Variants in EPRS1 observed in about 807,000 individuals in gnomAD.
The protein encoded by EPRS1 is glutamyl-prolyl-tRNA synthetase 1.
Under a neutral mutation model 188.3 loss-of-function variants are expected in EPRS1, and 107 were observed. That is an observed-to-expected ratio of 0.57 (90% CI 0.49 to 0.67). The LOEUF is 0.67. Among genes scored for constraint, EPRS1 ranks in the 30% least tolerant of loss-of-function variants. The pLI, the probability that EPRS1 is intolerant of heterozygous loss-of-function variation, is 0.00. For missense variants in EPRS1, 1,577 were observed against 1,802.2 expected, an observed-to-expected ratio of 0.88 and a Z score of 2.26; for synonymous variants, 596 against 593.1, an observed-to-expected ratio of 1.00 and a Z score of -0.07.
intron 1 of EPRS1, among the ~76,000 whole-genome samples, chr1:220,046,040 G>A (rs1662394745): frequency 6.6e-6 from 1 of 152,206 alleles, no homozygotes; most frequent in South Asian, 2.1e-4. Context: ...GGAGAGGTGA[G>A]TTGACTGGGA....
intron 28 of EPRS1, among the ~76,000 whole-genome samples, chr1:219,978,152 G>C (rs1660813234): frequency 6.6e-6 from 1 of 152,116 alleles, no homozygotes; most frequent in Non-Finnish European, 1.5e-5. Flanking sequence ...AATCTCAGAT[G>C]TTTCACTATT....
At chr1:220,028,774 G>A (rs1662032328) in intron 6 of EPRS1, among the ~76,000 whole-genome samples, 1 of 148,910 alleles carries the variant, frequency 6.7e-6, no homozygotes, top group South Asian at 2.2e-4. Flanking sequence ...CTAAGAATAA[G>A]AATAAAAGAC....
chr1:220,030,569 C>A, intron 5 of EPRS1, 89 bp from the exon 6 acceptor site: 1 of 871,358 alleles, frequency 1.1e-6, no homozygotes, highest in Non-Finnish European at 1.9e-6. Context: ...AGGCACTACA[C>A]ACACTGGTTA....
intron 1 of EPRS1, among the ~76,000 whole-genome samples, chr1:220,045,125 G>C (rs1662376166): frequency 1.3e-5 from 2 of 152,156 alleles, no homozygotes; most frequent in African/African-American, 2.4e-5. Context: ...TCAGCCCCAC[G>C]TGGTCAACTG....
At chr1:220,009,365 C>T (rs374666707) in intron 13 of EPRS1, among the ~76,000 whole-genome samples, 4 of 152,206 alleles carry the variant, frequency 2.6e-5, no homozygotes, top group Admixed American at 6.5e-5. Flanking sequence ...CTAGTATATG[C>T]GTTAGTCTGT....
intron 13 of EPRS1, among the ~76,000 whole-genome samples, chr1:220,009,185 C>T (rs932735084): frequency 2.0e-5 from 3 of 152,048 alleles, no homozygotes; most frequent in East Asian, 3.8e-4. Context: ...ATCAACTAAA[C>T]GCGCACCCCA....
chr1:219,985,744 A>G (rs1660995114), intron 20 of EPRS1, among the ~76,000 whole-genome samples: 1 of 152,198 alleles, frequency 6.6e-6, no homozygotes, highest in Non-Finnish European at 1.5e-5. Flanking sequence ...TTGCAGAGAT[A>G]GATGCTTGTA....
chr1:220,012,075 ACTCAGAGAGGAAGCCATC>A (rs1661616349), intron 12 of EPRS1, among the ~76,000 whole-genome samples: 2 of 152,118 alleles, frequency 1.3e-5, no homozygotes, highest in Non-Finnish European at 1.5e-5. Flanking sequence ...TTCTGAATGA[ACTCAGAGAGGAAGCCATC>A]CTCAGAGAGG....
intron 14 of EPRS1, among the ~76,000 whole-genome samples, chr1:220,006,575 T>C (rs1661491783): frequency 6.6e-6 from 1 of 152,150 alleles, no homozygotes; most frequent in Non-Finnish European, 1.5e-5. Flanking sequence ...CAGATTCACA[T>C]ACAATTGATG....
intron 12 of EPRS1, among the ~76,000 whole-genome samples, chr1:220,011,736 CCTATT>C (rs2102583929): frequency 6.6e-6 from 1 of 152,254 alleles, no homozygotes; most frequent in Non-Finnish European, 1.5e-5. Flanking sequence ...TATGCTCTAA[CCTATT>C]CTACTTCCAA....
At chr1:219,978,236 T>G (rs985474863) in intron 28 of EPRS1, among the ~76,000 whole-genome samples, 7 of 152,226 alleles carry the variant, frequency 4.6e-5, no homozygotes, top group African/African-American at 1.7e-4. Context: ...CTTATTTATT[T>G]TATGAATTCC....
chr1:219,982,918 T>C, intron 22 of EPRS1, 74 bp from the exon 23 acceptor site: 1 of 1,310,672 alleles, frequency 7.6e-7, no homozygotes, highest in South Asian at 1.2e-5. Context: ...TGCAGGCAAA[T>C]TTCCTCTGTT....
chr1:220,011,695 G>A (rs1477145681), intron 12 of EPRS1, among the ~76,000 whole-genome samples: 4 of 152,136 alleles, frequency 2.6e-5, no homozygotes, highest in Non-Finnish European at 4.4e-5. Context: ...ATAAATATTT[G>A]CAGATTGCCT....
At chr1:220,026,720 C>T (rs1313253545) in intron 6 of EPRS1, among the ~76,000 whole-genome samples, 8 of 151,300 alleles carry the variant, frequency 5.3e-5, no homozygotes, top group South Asian at 2.1e-4. Flanking sequence ...TTAGTAGAGA[C>T]GGGGTTTCAC....
At chr1:219,993,166 C>T (rs1210956462) in intron 18 of EPRS1, among the ~76,000 whole-genome samples, 1 of 150,818 alleles carries the variant, frequency 6.6e-6, no homozygotes, top group African/African-American at 2.4e-5. Flanking sequence ...GAGGTCGAGG[C>T]TGCAGTGAAC....
rs1417678582 is a variant in EPRS1, at chr1:220,033,654, T to C, written c.236A>G (p.Asp79Gly). Residue 79 changes from aspartate to glycine, a missense_variant, in exon 4 of 32, where the codon GAT becomes GGT. Coordinates refer to ENST00000366923, the MANE Select transcript of EPRS1 (RefSeq NM_004446.3). ...TGTAGCACTGAACTCCAACCAGTGA[T>C]CAATCTGTCAACATAAAAGACAGAA... ...GSNLMEHTEI[D>G]HWLEFSATKL... 1 of 1,600,206 alleles carries C rather than the reference T, an allele frequency of 6.2e-7. No individual in the cohort carries two copies. The highest frequency in any genetic ancestry group is 8.5e-7 in the Non-Finnish European group (1 of 1,170,070).
intron 1 of EPRS1, among the ~76,000 whole-genome samples, chr1:220,044,836 AGGTTTCACAACTAGT>A (rs1379782435): frequency 6.6e-6 from 1 of 152,194 alleles, no homozygotes; most frequent in African/African-American, 2.4e-5. Flanking sequence ...GAACTTGTCA[AGGTTTCACAACTAGT>A]AAGTGGCAGC....
At chr1:219,991,882 TA>T (rs1451473639) in intron 18 of EPRS1, among the ~76,000 whole-genome samples, 1 of 152,230 alleles carries the variant, frequency 6.6e-6, no homozygotes, top group Non-Finnish European at 1.5e-5. Flanking sequence ...CAAGCTGATG[TA>T]AGTCTTGTGA....
In EPRS1 at chr1:220,024,291, T is replaced by A; in HGVS notation, c.916A>T (p.Arg306Trp). Reference sequence around the variant, plus strand: ...TTTTTTCTATGTTTAGAGTCTATCCTCTGCTCACGTTCTGCTTTCATCTGT... The same window carrying A: ...TTTTTTCTATGTTTAGAGTCTATCCACTGCTCACGTTCTGCTTTCATCTGT... Reference protein sequence around the residue: ...AEQMKAEREQRIDSKHRKNPI... With the variant: ...AEQMKAEREQWIDSKHRKNPI... The change falls in exon 8 of 32, where the codon AGG (arginine) becomes TGG (tryptophan). Residue 306 changes from arginine to tryptophan, a missense_variant. Arg to Trp is a moderately radical substitution (Grantham distance 101, BLOSUM62 -3). This residue lies in a region of EPRS1 where 1,278 missense variants were observed against 1,457.4 expected (regional missense o/e 0.88). Coordinates refer to ENST00000366923, the MANE Select transcript of EPRS1 (RefSeq NM_004446.3). The A allele has an allele frequency of 6.2e-7, 1 of 1,600,902 alleles. No homozygotes were observed. Among genetic ancestry groups the A allele is most frequent in the Non-Finnish European group, 8.5e-7 (1 of 1,176,500 alleles).
Sources: allele counts gnomAD v4.1 joint callset (sites outside exome capture counted in the v4.1 genomes callset), GRCh38; gene constraint gnomAD v4.1.1; regional missense constraint gnomAD v4.1.1; transcripts MANE v1.5; gene names NCBI Gene and HGNC (gene_info 2026-07-23, HGNC 2026-07-21).